The following EVI5 variants were observed in gnomAD, a reference collection of about 807,000 sequenced individuals.
The protein encoded by EVI5 is ecotropic viral integration site 5, also known as ecotropic viral integration site 5 protein homolog.
Under a neutral mutation model 112.0 loss-of-function variants are expected in EVI5, and 73 were observed. The ratio of observed to expected loss-of-function variants is 0.65; its 90% CI spans 0.54 to 0.79. EVI5 has a LOEUF of 0.79. Among genes scored for constraint, EVI5 ranks in the 30% least tolerant of loss-of-function variants. EVI5 has a pLI of 0.00. For missense variants in EVI5, 900 were observed against 968.8 expected, an observed-to-expected ratio of 0.93 and a Z score of 0.94; for synonymous variants, 305 against 319.9, an observed-to-expected ratio of 0.95 and a Z score of 0.50.
intron 13 of EVI5, among the ~76,000 whole-genome samples, chr1:92,647,917 G>C (rs886740746): frequency 2.0e-5 from 3 of 151,500 alleles, no homozygotes; most frequent in Non-Finnish European, 3.0e-5. Flanking sequence ...GCTAAATTTT[G>C]TATCTTTAGT....
At chr1:92,555,695 A>G (rs1352118309) in intron 19 of EVI5, among the ~76,000 whole-genome samples, 2 of 152,052 alleles carry the variant, frequency 1.3e-5, no homozygotes, top group Non-Finnish European at 2.9e-5. Flanking sequence ...GCTAAGATAC[A>G]AAAAATTAAC....
chr1:92,605,452 T>C (rs761542320), intron 17 of EVI5, 50 bp from the exon 18 acceptor site: 1 of 1,291,148 alleles, frequency 7.7e-7, no homozygotes, highest in South Asian at 1.2e-5. Flanking sequence ...GTGTTTGGAA[T>C]TCAGATTTTA....
At chr1:92,635,390 G>A (rs998297571) in intron 14 of EVI5, among the ~76,000 whole-genome samples, 3 of 152,146 alleles carry the variant, frequency 2.0e-5, no homozygotes, top group African/African-American at 4.8e-5. Context: ...AGGCGCCCCC[G>A]CTGCAGCCTC....
chr1:92,725,397 T>C (rs2391198), intron 2 of EVI5, among the ~76,000 whole-genome samples: 4,367 of 152,204 alleles, frequency 0.029, 192 homozygotes, highest in African/African-American at 0.091. Context: ...ACAAATTCTT[T>C]TGAAGTAATT....
chr1:92,746,417 T>TA (rs1679252736), intron 1 of EVI5, among the ~76,000 whole-genome samples: 1 of 152,168 alleles, frequency 6.6e-6, no homozygotes, highest in Non-Finnish European at 1.5e-5. Flanking sequence ...CTATACACAC[T>TA]AAAAATAACT....
intron 2 of EVI5, 84 bp downstream of exon 2, chr1:92,736,314 T>C (rs1054770998): frequency 2.1e-5 from 19 of 898,560 alleles, no homozygotes; most frequent in Admixed American, 1.1e-4. Flanking sequence ...AACCAAAAAA[T>C]AGAAAAAAAA....
intron 16 of EVI5, among the ~76,000 whole-genome samples, chr1:92,618,798 C>T (rs1289997100): frequency 6.6e-6 from 1 of 152,160 alleles, no homozygotes; most frequent in Non-Finnish European, 1.5e-5. Flanking sequence ...TGAGTATTTC[C>T]TCCTTCTTTT....
intron 18 of EVI5, among the ~76,000 whole-genome samples, chr1:92,564,732 T>C (rs145099173): frequency 1.3e-5 from 2 of 149,766 alleles, no homozygotes; most frequent in Non-Finnish European, 3.0e-5. Flanking sequence ...CAGGCTGGAG[T>C]GCAATGGCGC....
intron 18 of EVI5, among the ~76,000 whole-genome samples, chr1:92,569,947 C>T (rs1231293176): frequency 6.7e-6 from 1 of 149,866 alleles, no homozygotes; most frequent in Non-Finnish European, 1.5e-5. Flanking sequence ...CATTAAAATT[C>T]AGTCTGTTTC....
chr1:92,731,946 C>T (rs899686318), intron 2 of EVI5: 5 of 152,126 alleles, frequency 3.3e-5, no homozygotes, highest in African/African-American at 9.7e-5. Flanking sequence ...CTTGGATCAC[C>T]GAAAGCACAA....
chr1:92,782,308 G>T (rs1449502883), intron 1 of EVI5, among the ~76,000 whole-genome samples: 4 of 150,552 alleles, frequency 2.7e-5, no homozygotes, highest in African/African-American at 7.3e-5. Flanking sequence ...GAATCTCCAG[G>T]CATGAAAAAA....
At chr1:92,780,326 G>A (rs1156887795) in intron 1 of EVI5, among the ~76,000 whole-genome samples, 9 of 152,206 alleles carry the variant, frequency 5.9e-5, no homozygotes, top group Non-Finnish European at 1.5e-5. Context: ...AGCAGCATGA[G>A]AACAGACTAA....
At chr1:92,781,903 C>T (rs1394146069) in intron 1 of EVI5, among the ~76,000 whole-genome samples, 2 of 138,808 alleles carry the variant, frequency 1.4e-5, no homozygotes, top group African/African-American at 2.7e-5. Flanking sequence ...TGCAGTGAGC[C>T]GTGATCGTGC....
rs529416887 is a variant in EVI5 at position 92,699,376 on chromosome 1, A to G, written c.640-1391T>C. Among the ~76,000 whole-genome samples, 6 of 152,182 alleles carry G rather than the reference A, an allele frequency of 3.9e-5. No homozygotes were observed. The South Asian group carries it at 1.2e-3, about 32-fold the overall frequency. ...CAGCATTTTCTGGAACCCATATCCTACCATCAACAGAATAGTCTACCTATA... is the reference window on the plus strand; with the variant it reads ...CAGCATTTTCTGGAACCCATATCCTGCCATCAACAGAATAGTCTACCTATA... On this transcript the variant is annotated intron_variant, in intron 5 of 19. Coordinates refer to ENST00000684568, the MANE Select transcript of EVI5 (RefSeq NM_001350197.2).
chr1:92,751,243 T>C (rs1276526718), intron 1 of EVI5, among the ~76,000 whole-genome samples: 1 of 152,252 alleles, frequency 6.6e-6, no homozygotes, highest in Non-Finnish European at 1.5e-5. Context: ...TCACAGTTGT[T>C]CTATGAGGTA....
chr1:92,612,064 T>C (rs1184527342), intron 16 of EVI5, among the ~76,000 whole-genome samples: 1 of 152,072 alleles, frequency 6.6e-6, no homozygotes, highest in African/African-American at 2.4e-5. Context: ...CAATAATAAC[T>C]TGTAAGACAG....
At chr1:92,597,269 T>A (rs1648124173) in intron 18 of EVI5, among the ~76,000 whole-genome samples, 1 of 152,196 alleles carries the variant, frequency 6.6e-6, no homozygotes, top group Non-Finnish European at 1.5e-5. Flanking sequence ...TATGTCATAT[T>A]TATTTTTGCA....
intron 14 of EVI5, among the ~76,000 whole-genome samples, chr1:92,628,776 T>C (rs775892446): frequency 5.3e-5 from 8 of 152,226 alleles, no homozygotes; most frequent in Admixed American, 1.3e-4. Flanking sequence ...TATTTCACGG[T>C]ACACATGCAA....
chr1:92,549,562 A>C (rs529188077), intron 19 of EVI5, among the ~76,000 whole-genome samples: 1 of 152,020 alleles, frequency 6.6e-6, no homozygotes, highest in African/African-American at 2.4e-5. Context: ...TGAACAGGCA[A>C]CCTACAGAAT....
Sources: gnomAD v4.1 joint callset for allele counts (sites outside exome capture counted in the v4.1 genomes callset) on GRCh38, gnomAD v4.1.1 for gene constraint, MANE v1.5 for transcripts, NCBI Gene and HGNC (gene_info 2026-07-23, HGNC 2026-07-21) for gene names.